The following EIF2B3 variants were observed in gnomAD, a reference collection of about 807,000 sequenced individuals.
EIF2B3 encodes translation initiation factor eIF2B subunit gamma.
Under a neutral mutation model 54.1 loss-of-function variants are expected in EIF2B3, and 20 were observed. The observed-to-expected ratio is 0.37, with a 90% CI of 0.26 to 0.54. The LOEUF is 0.54. Ranked by LOEUF, EIF2B3 falls within the 20% of genes least tolerant of loss-of-function variation. The pLI is 0.86. For missense variants in EIF2B3, 448 were observed against 547.8 expected, an observed-to-expected ratio of 0.82 and a Z score of 1.82; for synonymous variants, 153 against 188.1, an observed-to-expected ratio of 0.81 and a Z score of 1.52.
intron 5 of EIF2B3, among the ~76,000 whole-genome samples, chr1:44,911,777 T>C (rs1198687316): frequency 6.6e-6 from 1 of 151,984 alleles, no homozygotes; most frequent in East Asian, 1.9e-4. Context: ...TACATATGTA[T>C]ACATGTGCCA....
chr1:44,865,815 G>A (rs992825735), intron 10 of EIF2B3, among the ~76,000 whole-genome samples: 6 of 152,056 alleles, frequency 3.9e-5, no homozygotes, highest in African/African-American at 1.2e-4. Context: ...TGATCTACCC[G>A]CCTCAGCTTC....
intron 3 of EIF2B3, among the ~76,000 whole-genome samples, chr1:44,977,376 C>T (rs766611424): frequency 1.4e-4 from 22 of 152,144 alleles, no homozygotes; most frequent in Non-Finnish European, 2.5e-4. Context: ...TCCTCACCTG[C>T]AGAGTCAACT....
At chr1:44,885,438 T>G (rs1372804728) in intron 6 of EIF2B3, among the ~76,000 whole-genome samples, 1 of 152,256 alleles carries the variant, frequency 6.6e-6, no homozygotes, top group African/African-American at 2.4e-5. Context: ...GAACCGTTAC[T>G]GTCACATAAT....
intron 2 of EIF2B3, among the ~76,000 whole-genome samples, chr1:44,979,061 C>T (rs1036863264): frequency 7.9e-5 from 12 of 151,504 alleles, no homozygotes; most frequent in African/African-American, 2.4e-4. Context: ...CCGAGGCAGG[C>T]GGATCACTTG....
chr1:44,912,741 T>C (rs1047921017), intron 5 of EIF2B3, among the ~76,000 whole-genome samples: 11 of 152,222 alleles, frequency 7.2e-5, no homozygotes, highest in African/African-American at 2.7e-4. Context: ...CTGTTGGACA[T>C]AACTGTTCAG....
chr1:44,926,503 T>C, intron 5 of EIF2B3, 125 bp downstream of exon 5: 1 of 735,062 alleles, frequency 1.4e-6, no homozygotes, highest in Non-Finnish European at 2.3e-6. Context: ...GGAAAAATAT[T>C]CACATACTTT....
intron 3 of EIF2B3, among the ~76,000 whole-genome samples, chr1:44,950,527 C>T (rs372513750): frequency 2.6e-5 from 4 of 151,618 alleles, no homozygotes; most frequent in South Asian, 4.2e-4. Context: ...GAGAACCTTT[C>T]GGGTTAGGGA....
At chr1:44,860,044 C>T (rs559968895) in intron 10 of EIF2B3, among the ~76,000 whole-genome samples, 2 of 152,202 alleles carry the variant, frequency 1.3e-5, no homozygotes, top group Admixed American at 6.5e-5. Context: ...CTCTGTCCCC[C>T]AGACTGGAGT....
At chr1:44,923,578 T>A (rs926438737) in intron 5 of EIF2B3, among the ~76,000 whole-genome samples, 3 of 152,230 alleles carry the variant, frequency 2.0e-5, no homozygotes, top group African/African-American at 7.2e-5. Context: ...GAACTCAGTT[T>A]CCTTTCAGTC....
chr1:44,921,233 C>A (rs1643732211), intron 5 of EIF2B3, among the ~76,000 whole-genome samples: 1 of 152,136 alleles, frequency 6.6e-6, no homozygotes, highest in East Asian at 1.9e-4. Flanking sequence ...ATTTAAAAGT[C>A]AGATTAGGTT....
At chr1:44,945,242 T>A (rs1644083982) in intron 3 of EIF2B3, among the ~76,000 whole-genome samples, 1 of 150,854 alleles carries the variant, frequency 6.6e-6, no homozygotes. Flanking sequence ...TTTTAGATTT[T>A]AACTCTGAGA....
chr1:44,941,553 T>C lies in EIF2B3; in HGVS notation c.407A>G (p.Gln136Arg), dbSNP rs113994023. The C allele has an allele frequency of 4.6e-5, 74 of 1,613,956 alleles. No individual in the cohort carries two copies. In the East Asian group the frequency reaches 1.6e-3, roughly 36 times the overall value. ...ACCGGGAACAGGTTCTATGCTATCT[T>C]GGCCTTTTCTCATCAACATAGCAAG... ...ASLAMLMRKG[Q>R]DSIEPVPGQK... Residue 136 changes from glutamine (Q) to arginine (R), a missense_variant, in exon 4 of 12, where the codon CAA (glutamine) becomes CGA (arginine). By Grantham distance (43) the Gln-to-Arg change is conservative (BLOSUM62 1). Around this residue, in one of 3 missense-constraint regions of EIF2B3, gnomAD observed 350 missense variants for 414.2 expected, o/e 0.85. Transcript: ENST00000360403.
intron 5 of EIF2B3, among the ~76,000 whole-genome samples, chr1:44,914,847 C>A (rs1156892697): frequency 6.6e-6 from 1 of 152,152 alleles, no homozygotes; most frequent in Non-Finnish European, 1.5e-5. Context: ...CGCCACCACG[C>A]CCAGCTAATT....
intron 3 of EIF2B3, among the ~76,000 whole-genome samples, chr1:44,954,673 G>A (rs1569831729): frequency 6.6e-6 from 1 of 152,170 alleles, no homozygotes; most frequent in Non-Finnish European, 1.5e-5. Context: ...TCTGCAAATA[G>A]AGACAATTTG....
chr1:44,871,148 C>A (rs1272463063), intron 10 of EIF2B3, among the ~76,000 whole-genome samples: 4 of 152,224 alleles, frequency 2.6e-5, no homozygotes, highest in Non-Finnish European at 4.4e-5. Flanking sequence ...AATAGCACAC[C>A]AGAAATCTCA....
intron 10 of EIF2B3, among the ~76,000 whole-genome samples, chr1:44,858,147 C>T (rs1368566163): frequency 6.7e-6 from 1 of 149,166 alleles, no homozygotes; most frequent in Non-Finnish European, 1.5e-5. Flanking sequence ...TCATAGCTCA[C>T]TGCAGCCTCT....
At chr1:44,963,078 G>A (rs1250765542) in intron 3 of EIF2B3, among the ~76,000 whole-genome samples, 1 of 151,860 alleles carries the variant, frequency 6.6e-6, no homozygotes, top group Non-Finnish European at 1.5e-5. Flanking sequence ...AGATGGGCAT[G>A]GTGGTACACA....
chr1:44,889,014 C>G (rs1333475606), intron 6 of EIF2B3, among the ~76,000 whole-genome samples: 2 of 152,218 alleles, frequency 1.3e-5, no homozygotes, highest in African/African-American at 4.8e-5. Context: ...AAGGCTTTGA[C>G]TTTTCACAGT....
chr1:44,872,493 T>C (rs895554814), intron 10 of EIF2B3, among the ~76,000 whole-genome samples: 1 of 151,842 alleles, frequency 6.6e-6, no homozygotes, highest in Non-Finnish European at 1.5e-5. Context: ...TAAAATTTTT[T>C]AAAAAAATTA....
Sources: allele counts gnomAD v4.1 joint callset (sites outside exome capture counted in the v4.1 genomes callset), GRCh38; gene constraint gnomAD v4.1.1; regional missense constraint gnomAD v4.1.1; transcripts MANE v1.5; gene names NCBI Gene and HGNC (gene_info 2026-07-23, HGNC 2026-07-21).